Variants in SH3RF3 observed in about 807,000 individuals in gnomAD.
The protein encoded by SH3RF3 is E3 ubiquitin-protein ligase SH3RF3.
SH3RF3 carries 29 observed loss-of-function variants against 66.3 expected under a neutral mutation model. That is an observed-to-expected ratio of 0.44 (90% CI 0.33 to 0.60). The LOEUF (loss-of-function observed/expected upper bound fraction) is 0.60, where lower values mean the gene tolerates loss of function less well. SH3RF3 is among the 20% of genes least tolerant of loss of function. SH3RF3 has a pLI of 0.04. For missense variants in SH3RF3, 1,194 were observed against 1,190.9 expected, an observed-to-expected ratio of 1.00 and a Z score of -0.04; for synonymous variants, 583 against 532.0, an observed-to-expected ratio of 1.10 and a Z score of -1.32.
At chr2:109,343,979 A>G (rs990815737) in intron 1 of SH3RF3, among the ~76,000 whole-genome samples, 1 of 152,000 alleles carries the variant, frequency 6.6e-6, no homozygotes, top group Admixed American at 6.6e-5. Flanking sequence ...CCTGGCCTCA[A>G]GTGATTTTCC....
At chr2:109,229,151 A>G (rs1243055890) in intron 1 of SH3RF3, among the ~76,000 whole-genome samples, 2 of 152,174 alleles carry the variant, frequency 1.3e-5, no homozygotes, top group African/African-American at 2.4e-5. Context: ...ATTACCAGGG[A>G]TTTAGGAGCT....
chr2:109,290,968 G>A (rs886823112), intron 1 of SH3RF3, among the ~76,000 whole-genome samples: 5 of 152,240 alleles, frequency 3.3e-5, no homozygotes, highest in Admixed American at 1.3e-4. Context: ...GCAATATGCC[G>A]GGTACATAGT....
At chr2:109,409,481 G>T (rs1022990906) in intron 4 of SH3RF3, among the ~76,000 whole-genome samples, 10 of 152,174 alleles carry the variant, frequency 6.6e-5, no homozygotes, top group Non-Finnish European at 8.8e-5. Flanking sequence ...CCAACCTGTG[G>T]GTGAGAATTA....
chr2:109,191,715 A>T (rs796108375), intron 1 of SH3RF3, among the ~76,000 whole-genome samples: 8 of 152,252 alleles, frequency 5.3e-5, no homozygotes, highest in African/African-American at 1.9e-4. Context: ...TTTCTCCTTG[A>T]GGTGCTGATG....
chr2:109,349,744 C>A (rs1345658186), intron 2 of SH3RF3, among the ~76,000 whole-genome samples: 1 of 152,356 alleles, frequency 6.6e-6, no homozygotes, highest in South Asian at 2.1e-4. Context: ...TGTCGCAGGG[C>A]CCTGGAGCCT....
intron 5 of SH3RF3, among the ~76,000 whole-genome samples, chr2:109,431,205 T>G (rs1013959051): frequency 6.6e-6 from 1 of 152,192 alleles, no homozygotes; most frequent in Non-Finnish European, 1.5e-5. Flanking sequence ...TCCCCAGAGA[T>G]GCACTGTGTG....
intron 1 of SH3RF3, among the ~76,000 whole-genome samples, chr2:109,151,055 T>C (rs1574475915): frequency 6.6e-6 from 1 of 152,304 alleles, no homozygotes; most frequent in East Asian, 1.9e-4. Context: ...TTATGGATAA[T>C]ATTGCATCAT....
chr2:109,486,910 G>T (rs1229731770), intron 8 of SH3RF3, among the ~76,000 whole-genome samples: 1 of 152,194 alleles, frequency 6.6e-6, no homozygotes. Flanking sequence ...GAGACGTTTT[G>T]TTCCTAACAG....
intron 1 of SH3RF3, among the ~76,000 whole-genome samples, chr2:109,284,285 T>C (rs567272056): frequency 6.6e-6 from 1 of 152,336 alleles, no homozygotes; most frequent in Non-Finnish European, 1.5e-5. Context: ...TTCACTGTAT[T>C]AGTAGCCATG....
At chr2:109,463,819 C>G (rs892453316) in intron 8 of SH3RF3, among the ~76,000 whole-genome samples, 1 of 152,168 alleles carries the variant, frequency 6.6e-6, no homozygotes, top group African/African-American at 2.4e-5. Flanking sequence ...GGAATTGTCC[C>G]TCAGTGGAGG....
At chr2:109,300,586 G>T (rs542612332) in intron 1 of SH3RF3, among the ~76,000 whole-genome samples, 1 of 152,306 alleles carries the variant, frequency 6.6e-6, no homozygotes, top group Non-Finnish European at 1.5e-5. Flanking sequence ...TTAGGGGTAT[G>T]ATTGGCAAAT....
intron 6 of SH3RF3, among the ~76,000 whole-genome samples, chr2:109,434,445 C>T (rs1395488780): frequency 6.6e-6 from 1 of 152,226 alleles, no homozygotes; most frequent in Non-Finnish European, 1.5e-5. Flanking sequence ...TGAAATCCAG[C>T]TTCCTTGCGT....
At chr2:109,484,069 T>G in intron 8 of SH3RF3, among the ~76,000 whole-genome samples, 1 of 31,436 alleles carries the variant, frequency 3.2e-5, no homozygotes, top group Admixed American at 3.8e-4. Context: ...TGGCCTTTCT[T>G]TTTTTTTTTT....
intron 1 of SH3RF3, among the ~76,000 whole-genome samples, chr2:109,245,233 C>T (rs1200085194): frequency 1.3e-5 from 2 of 152,136 alleles, no homozygotes; most frequent in Non-Finnish European, 2.9e-5. Context: ...GGTCATCTTA[C>T]TGGCTGCTCT....
At chr2:109,345,569 T>C (rs1682671596) in intron 1 of SH3RF3, among the ~76,000 whole-genome samples, 1 of 152,202 alleles carries the variant, frequency 6.6e-6, no homozygotes, top group African/African-American at 2.4e-5. Flanking sequence ...GTGTGCATCT[T>C]GTTGAGGCTG....
intron 1 of SH3RF3, among the ~76,000 whole-genome samples, chr2:109,323,614 A>G (rs546958142): frequency 3.4e-4 from 51 of 151,986 alleles, no homozygotes; most frequent in African/African-American, 1.2e-3. Flanking sequence ...GGGGCTGGAG[A>G]CTCCTGATGT....
chr2:109,450,721 G>A (rs1677842934), intron 8 of SH3RF3, among the ~76,000 whole-genome samples: 1 of 152,090 alleles, frequency 6.6e-6, no homozygotes, highest in South Asian at 2.1e-4. Flanking sequence ...AATTCTCCAG[G>A]GCTCAGGGCC....
At chr2:109,289,395 T>G (rs1681111915) in intron 1 of SH3RF3, among the ~76,000 whole-genome samples, 1 of 152,188 alleles carries the variant, frequency 6.6e-6, no homozygotes. Flanking sequence ...TAGGGTACTC[T>G]TCTGCACACA....
At position 109,347,929 on chromosome 2, in the gene SH3RF3, G is replaced by A. The variant is rs1167516320; in HGVS notation, c.829G>A (p.Asp277Asn). Residue 277 changes from aspartate (D) to asparagine (N), a missense_variant, in exon 2 of 10, where the codon GAC becomes AAC. Coordinates refer to ENST00000309415, the MANE Select transcript of SH3RF3 (RefSeq NM_001099289.3). ...GATGAAGGACAAAGACCAAGACAAG[G>A]ACTGTCTGACCTTCACCAAGGTAAG... ...FEMKDKDQDKDCLTFTKDEIL... is the reference protein window; with the variant it reads ...FEMKDKDQDKNCLTFTKDEIL... The A allele has an allele frequency of 6.2e-7, 1 of 1,606,268 alleles. No individual in the cohort carries two copies. The highest frequency in any genetic ancestry group is 8.5e-7 in the Non-Finnish European group (1 of 1,176,588).
Sources: allele counts gnomAD v4.1 joint callset (sites outside exome capture counted in the v4.1 genomes callset), GRCh38; gene constraint gnomAD v4.1.1; transcripts MANE v1.5; gene names NCBI Gene and HGNC (gene_info 2026-07-23, HGNC 2026-07-21).